The following TSPAN12 variants were observed in gnomAD, a reference collection of about 807,000 sequenced individuals.
TSPAN12 encodes tetraspanin 12, also known as tetraspanin-12.
A neutral mutation model predicts 39.2 loss-of-function variants in TSPAN12; 19 were observed. That is an observed-to-expected ratio of 0.49 (90% confidence interval 0.34 to 0.71). The LOEUF (loss-of-function observed/expected upper bound fraction) is 0.71. Among genes scored for constraint, TSPAN12 ranks in the 30% least tolerant of loss-of-function variants. The pLI is 0.01. For synonymous variants in TSPAN12, 119 were observed against 124.8 expected, an observed-to-expected ratio of 0.95 and a Z score of 0.31; for missense variants, 314 against 359.9, an observed-to-expected ratio of 0.87 and a Z score of 1.03.
chr7:120,810,795 G>A (rs1353512281), intron 5 of TSPAN12, among the ~76,000 whole-genome samples: 1 of 152,102 alleles, frequency 6.6e-6, no homozygotes, highest in African/African-American at 2.4e-5. Flanking sequence ...GATAAATGAA[G>A]AGGTATTTTG....
chr7:120,856,184 G>C (rs547515551), intron 2 of TSPAN12, among the ~76,000 whole-genome samples: 65 of 152,106 alleles, frequency 4.3e-4, no homozygotes, highest in African/African-American at 1.5e-3. Context: ...CCTTCAGACC[G>C]TATGGAATCC....
At chr7:120,854,354 C>T (rs1373064909) in intron 2 of TSPAN12, among the ~76,000 whole-genome samples, 1 of 152,140 alleles carries the variant, frequency 6.6e-6, no homozygotes, top group Non-Finnish European at 1.5e-5. Context: ...TAGCAATCCA[C>T]CTCCTGGTAA....
chr7:120,836,346 C>A (rs1029526190), intron 4 of TSPAN12, among the ~76,000 whole-genome samples: 5 of 151,998 alleles, frequency 3.3e-5, no homozygotes, highest in Non-Finnish European at 5.9e-5. Flanking sequence ...AGGAGAGGCA[C>A]CCCAAAGGGA....
intron 4 of TSPAN12, among the ~76,000 whole-genome samples, chr7:120,837,062 T>A (rs1335273493): frequency 1.3e-5 from 2 of 152,122 alleles, no homozygotes; most frequent in Non-Finnish European, 2.9e-5. Flanking sequence ...ATTGTAAGAC[T>A]GCGTTTTAAA....
At chr7:120,839,783 C>G (rs1794543587) in intron 3 of TSPAN12, among the ~76,000 whole-genome samples, 1 of 152,112 alleles carries the variant, frequency 6.6e-6, no homozygotes, top group Non-Finnish European at 1.5e-5. Context: ...ATCAGGAGGA[C>G]AGGCAACTGC....
chr7:120,829,653 G>A (rs765296038), intron 4 of TSPAN12, among the ~76,000 whole-genome samples: 46 of 152,252 alleles, frequency 3.0e-4, no homozygotes, highest in Admixed American at 2.5e-3. Context: ...GGAAGCATTC[G>A]CTGAATTGGT....
At chr7:120,848,050 A>C (rs1364440050) in intron 2 of TSPAN12, among the ~76,000 whole-genome samples, 1 of 152,122 alleles carries the variant, frequency 6.6e-6, no homozygotes, top group Admixed American at 6.5e-5. Flanking sequence ...TGCACCATGC[A>C]CACCTCCCAG....
chr7:120,852,854 A>AG (rs1437209821), intron 2 of TSPAN12, among the ~76,000 whole-genome samples: 65 of 151,298 alleles, frequency 4.3e-4, no homozygotes, highest in African/African-American at 9.1e-4. Context: ...TATCTAAAAA[A>AG]AAGAGAGAGA....
chr7:120,834,921 G>A (rs1794449180), intron 4 of TSPAN12, among the ~76,000 whole-genome samples: 1 of 152,110 alleles, frequency 6.6e-6, no homozygotes, highest in South Asian at 2.1e-4. Context: ...CCCTCCATGA[G>A]CCATTCCCCT....
At position 120,810,696 on chromosome 7, in the gene TSPAN12, C is replaced by T. The variant is rs556151444; in HGVS notation, c.361-126G>A. On this transcript the variant is annotated intron_variant, in intron 5 of 7. Transcript: ENST00000222747. ...CGGAATGTCTTCTAATTGACAAATACTATTTTAAATTTATATTTGCTCATG... is the reference window on the plus strand; with the variant it reads ...CGGAATGTCTTCTAATTGACAAATATTATTTTAAATTTATATTTGCTCATG... 1.0e-5 allele frequency: 7 copies of T among 684,240 alleles called. No individual in the cohort carries two copies. In the Admixed American group the frequency reaches 1.2e-4, roughly 12 times the overall value. 42.4% of individuals were successfully genotyped at this position (684,240 alleles called of 1,614,324 possible).
intron 4 of TSPAN12, among the ~76,000 whole-genome samples, chr7:120,837,314 T>TA (rs1491517006): frequency 7.8e-6 from 1 of 128,208 alleles, no homozygotes; most frequent in Non-Finnish European, 1.6e-5. Flanking sequence ...TTCATTTATT[T>TA]ATTTTTTTTT....
At chr7:120,804,341 C>T (rs1485566193) in intron 7 of TSPAN12, among the ~76,000 whole-genome samples, 1 of 152,022 alleles carries the variant, frequency 6.6e-6, no homozygotes, top group African/African-American at 2.4e-5. Flanking sequence ...CAGGAGTTTG[C>T]CGCATTTATT....
chr7:120,856,872 C>T (rs1584958981), intron 1 of TSPAN12, 39 bp from the exon 2 acceptor site: 1 of 1,210,656 alleles, frequency 8.3e-7, no homozygotes, highest in Non-Finnish European at 1.2e-6. Flanking sequence ...GGACATCTCA[C>T]CATCACGCTT....
rs149009046 is a variant in TSPAN12 at position 120,826,171 on chromosome 7, A to T, written c.286-10368T>A. ...CTTTTCAATTTCATTTACATTAATA[A>T]TTGCTGAGCTAATTTCTTATTAAAG... On this transcript the variant is annotated intron_variant, in intron 4 of 7. Coordinates refer to ENST00000222747, the MANE Select transcript of TSPAN12 (RefSeq NM_012338.4). 5.5e-3 allele frequency among the ~76,000 whole-genome samples: 833 copies of T among 152,300 alleles called. 8 individuals carry two copies. Among genetic ancestry groups the T allele is most frequent in the Middle Eastern group, 0.02 (6 of 294 alleles).
chr7:120,839,775 CAGG>C (rs1794543441), intron 3 of TSPAN12, among the ~76,000 whole-genome samples: 1 of 152,118 alleles, frequency 6.6e-6, no homozygotes, highest in South Asian at 2.1e-4. Flanking sequence ...GATGCACAAT[CAGG>C]AGGACAGGCA....
intron 4 of TSPAN12, among the ~76,000 whole-genome samples, chr7:120,828,972 T>A (rs1392601571): frequency 6.6e-6 from 1 of 152,196 alleles, no homozygotes; most frequent in African/African-American, 2.4e-5. Flanking sequence ...TTCTTAAAGA[T>A]TATGTTTCTA....
chr7:120,805,457 T>C (rs1793853208), intron 7 of TSPAN12, among the ~76,000 whole-genome samples: 1 of 152,162 alleles, frequency 6.6e-6, no homozygotes. Flanking sequence ...GCAGGTGTTA[T>C]AAATCCTGTT....
intron 5 of TSPAN12, among the ~76,000 whole-genome samples, chr7:120,811,602 G>A (rs535040601): frequency 6.6e-6 from 1 of 150,754 alleles, no homozygotes; most frequent in Non-Finnish European, 1.5e-5. Context: ...CCCGGAGGGC[G>A]AAGGTTGCAG....
At chr7:120,792,771 C>T (rs1793556376) in intron 7 of TSPAN12, among the ~76,000 whole-genome samples, 1 of 152,132 alleles carries the variant, frequency 6.6e-6, no homozygotes, top group South Asian at 2.1e-4. Flanking sequence ...ACAGCAAACG[C>T]TGGAGAGGTG....
Sources: allele counts gnomAD v4.1 joint callset (sites outside exome capture counted in the v4.1 genomes callset), GRCh38; gene constraint gnomAD v4.1.1; transcripts MANE v1.5; gene names NCBI Gene and HGNC (gene_info 2026-07-23, HGNC 2026-07-21).